PARVA: variants seen among roughly 807,000 people sequenced by gnomAD.
PARVA encodes the protein alpha-parvin.
A neutral mutation model predicts 52.6 loss-of-function variants in PARVA; 25 were observed. The observed-to-expected ratio is 0.48, with a 90% confidence interval of 0.35 to 0.66. PARVA has a LOEUF of 0.66. Ranked by LOEUF, PARVA falls within the 30% of genes least tolerant of loss-of-function variation. The pLI, the probability that PARVA is intolerant of heterozygous loss-of-function variation, is 0.01. For missense variants in PARVA, 373 were observed against 450.9 expected, an observed-to-expected ratio of 0.83 and a Z score of 1.56; for synonymous variants, 185 against 179.1, an observed-to-expected ratio of 1.03 and a Z score of -0.26.
intron 1 of PARVA, among the ~76,000 whole-genome samples, chr11:12,392,371 C>T (rs1039666064): frequency 1.3e-5 from 2 of 151,200 alleles, no homozygotes; most frequent in African/African-American, 2.4e-5. Context: ...TGGGTTCAAG[C>T]GATTCTCTTG....
At chr11:12,508,007 AG>A (rs1941454060) in intron 6 of PARVA, among the ~76,000 whole-genome samples, 1 of 141,590 alleles carries the variant, frequency 7.1e-6, no homozygotes, top group Admixed American at 7.2e-5. Flanking sequence ...CGGACGGACG[AG>A]TTTCTAACAT....
chr11:12,509,700 C>T (rs1434900739), intron 7 of PARVA, among the ~76,000 whole-genome samples: 1 of 152,194 alleles, frequency 6.6e-6, no homozygotes, highest in Non-Finnish European at 1.5e-5. Flanking sequence ...CCAAGATGCC[C>T]TGTTTATGGC....
At chr11:12,455,085 G>A (rs927446566) in intron 1 of PARVA, among the ~76,000 whole-genome samples, 3 of 152,132 alleles carry the variant, frequency 2.0e-5, no homozygotes, top group African/African-American at 7.2e-5. Flanking sequence ...GTATCTTGAT[G>A]GTGTCATGTT....
At chr11:12,439,290 C>T (rs770231626) in intron 1 of PARVA, among the ~76,000 whole-genome samples, 2 of 152,130 alleles carry the variant, frequency 1.3e-5, no homozygotes, top group Admixed American at 6.5e-5. Context: ...TTCCCCCAAA[C>T]GACACTGCAG....
chr11:12,441,478 G>C (rs1477197040), intron 1 of PARVA, among the ~76,000 whole-genome samples: 1 of 152,108 alleles, frequency 6.6e-6, no homozygotes, highest in Non-Finnish European at 1.5e-5. Flanking sequence ...ACATTCGGGG[G>C]TAATTGGCTT....
At chr11:12,479,871 T>C (rs993847674) in intron 4 of PARVA, 9 of 152,222 alleles carry the variant, frequency 5.9e-5, no homozygotes, top group Non-Finnish European at 1.2e-4. Context: ...TCCTATATAT[T>C]TATCCAGGCT....
intron 12 of PARVA, among the ~76,000 whole-genome samples, chr11:12,522,659 TC>T (rs1248907033): frequency 6.6e-6 from 1 of 152,062 alleles, no homozygotes; most frequent in Non-Finnish European, 1.5e-5. Flanking sequence ...TCTCAGGTGA[TC>T]CGCCTGCCTC....
intron 3 of PARVA, chr11:12,477,260 A>G (rs1327705988): frequency 6.6e-6 from 1 of 152,236 alleles, no homozygotes; most frequent in Non-Finnish European, 1.5e-5. Context: ...ACGCCTGACT[A>G]ATCTTTGTAG....
At chr11:12,407,123 C>T (rs1939923962) in intron 1 of PARVA, among the ~76,000 whole-genome samples, 1 of 152,188 alleles carries the variant, frequency 6.6e-6, no homozygotes, top group Non-Finnish European at 1.5e-5. Flanking sequence ...ACATTGCTAA[C>T]ATTTCCCTGG....
intron 1 of PARVA, among the ~76,000 whole-genome samples, chr11:12,407,426 G>A (rs1005729032): frequency 1.4e-4 from 21 of 152,178 alleles, no homozygotes; most frequent in African/African-American, 5.1e-4. Context: ...TGGAGTTGAA[G>A]CATAGAGGAG....
intron 1 of PARVA, among the ~76,000 whole-genome samples, chr11:12,463,078 T>C (rs573749472): frequency 1.2e-4 from 18 of 149,232 alleles, no homozygotes; most frequent in Non-Finnish European, 2.1e-4. Context: ...AAAAAAAAAA[T>C]TGCAAAGGGA....
At chr11:12,502,572 A>G (rs1409543831) in intron 5 of PARVA, among the ~76,000 whole-genome samples, 4 of 148,632 alleles carry the variant, frequency 2.7e-5, no homozygotes, top group African/African-American at 1.0e-4. Context: ...GTAATTTCAC[A>G]TAAGGTATAA....
chr11:12,430,850 G>A (rs945249202), intron 1 of PARVA, among the ~76,000 whole-genome samples: 3 of 152,144 alleles, frequency 2.0e-5, no homozygotes, highest in Admixed American at 1.3e-4. Context: ...TTGACAGGGC[G>A]GAGAAGTCTA....
intron 4 of PARVA, among the ~76,000 whole-genome samples, chr11:12,496,163 A>T (rs1564862262): frequency 1.3e-5 from 2 of 152,204 alleles, no homozygotes; most frequent in African/African-American, 4.8e-5. Flanking sequence ...ATTGAAAAGA[A>T]GGAGAAAACT....
chr11:12,517,287 G>T (rs1941579881), intron 10 of PARVA, among the ~76,000 whole-genome samples: 1 of 148,052 alleles, frequency 6.8e-6, no homozygotes, highest in Admixed American at 6.8e-5. Flanking sequence ...ACTCCTCCAG[G>T]GCAGGAGCCA....
chr11:12,463,123 T>C (rs139066845), intron 1 of PARVA, among the ~76,000 whole-genome samples: 2,543 of 152,264 alleles, frequency 0.017, 70 homozygotes, highest in African/African-American at 0.054. Context: ...GCCCACTTTT[T>C]TTTCTTATTA....
intron 1 of PARVA, among the ~76,000 whole-genome samples, chr11:12,436,881 C>T (rs1168443417): frequency 1.3e-5 from 2 of 152,164 alleles, no homozygotes; most frequent in African/African-American, 4.8e-5. Flanking sequence ...TTAAGAACAA[C>T]TCCAGAGTTT....
intron 1 of PARVA, among the ~76,000 whole-genome samples, chr11:12,412,072 C>T (rs899288309): frequency 6.6e-6 from 1 of 152,062 alleles, no homozygotes; most frequent in African/African-American, 2.4e-5. Flanking sequence ...CTCCCTGATG[C>T]AATTCCCACT....
At chr11:12,447,933 T>C (rs1052957222) in intron 1 of PARVA, among the ~76,000 whole-genome samples, 36 of 152,336 alleles carry the variant, frequency 2.4e-4, no homozygotes, top group African/African-American at 8.7e-4. Flanking sequence ...AATGATGATA[T>C]ATCTACCTCT....
Sources: allele counts gnomAD v4.1 joint callset (sites outside exome capture counted in the v4.1 genomes callset), GRCh38; gene constraint gnomAD v4.1.1; transcripts MANE v1.5; gene names NCBI Gene and HGNC (gene_info 2026-07-23, HGNC 2026-07-21).